Variants in MYO7A observed in about 807,000 individuals in gnomAD.
The protein encoded by MYO7A is myosin VIIA.
In MYO7A, 210 loss-of-function variants were observed where a neutral mutation model predicts 263.8. The ratio of observed to expected loss-of-function variants is 0.80; its 90% CI spans 0.71 to 0.89. The LOEUF is 0.89. MYO7A is among the 40% of genes least tolerant of loss of function. MYO7A has a pLI of 0.00. For synonymous variants in MYO7A, 1,239 were observed against 1,197.3 expected (o/e 1.03, Z -0.72); for missense variants, 2,820 against 2,968.3 (o/e 0.95, Z 1.16).
At chr11:77,206,362 A>C (rs1476850311) in intron 41 of MYO7A, among the ~76,000 whole-genome samples, 160 bp downstream of exon 41, 3 of 151,728 alleles carry the variant, frequency 2.0e-5, no homozygotes, top group African/African-American at 7.3e-5. Flanking sequence ...AAGGCCATCG[A>C]CTCCCCAGGT....
At position 77,211,829 on chromosome 11, in the gene MYO7A, C is replaced by T. The variant is rs372215527; in HGVS notation, c.6246C>T (p.Val2082=). The change falls in exon 46 of 49, where the codon GTC becomes GTT. Residue 2082 remains valine (V), a synonymous_variant. Coordinates refer to ENST00000409709, the MANE Select transcript of MYO7A (RefSeq NM_000260.4). ...CCGCCCTGTCCCCATAGTCCATCGT[C>T]GCCTACTTCAACAAGCACGCAGGGA... ...VSPDDWKRSI[V]AYFNKHAGKS... is the part of the protein sequence containing the mutation. 34 of 1,613,546 alleles carry T rather than the reference C, an allele frequency of 2.1e-5. No homozygotes were observed. Among genetic ancestry groups the T allele is most frequent in the Middle Eastern group, 1.6e-4 (1 of 6,084 alleles).
At chr11:77,156,304 T>C (rs1555062115) in intron 5 of MYO7A, among the ~76,000 whole-genome samples, 1 of 152,244 alleles carries the variant, frequency 6.6e-6, no homozygotes. Context: ...AAGCTCACAT[T>C]AGCTTTTGAG....
rs1481506095 is a variant in MYO7A at position 77,208,438 on chromosome 11, C to T, written c.5865C>T (p.Ser1955=). The T allele has an allele frequency of 1.9e-6, 3 of 1,612,106 alleles. No individual in the cohort carries two copies. The highest frequency in any genetic ancestry group is 1.1e-5 in the South Asian group (1 of 90,884). ...GATGGCCCTGACCCCAGGTCCTCAG[C>T]GTTCCTGAGAATGACTTCTTCTTTG... The part of the protein sequence containing the change: ...LFVKIADKVL[S]VPENDFFFDF... The change falls in exon 43 of 49, where the codon AGC becomes AGT. Residue 1955 remains serine (S), a synonymous_variant. Transcript: ENST00000409709.
intron 14 of MYO7A, among the ~76,000 whole-genome samples, chr11:77,165,308 C>T (rs782488985): frequency 7.2e-5 from 11 of 152,280 alleles, no homozygotes; most frequent in Non-Finnish European, 1.5e-4. Context: ...TTGGACACCC[C>T]GTCTCTTGCC....
rs782608378 is a variant in MYO7A at position 77,172,752 on chromosome 11, C to T, written c.1802C>T (p.Ala601Val). Reference protein sequence around the residue: ...QIFQADVAMGAETRKRSPTLS... With the variant: ...QIFQADVAMGVETRKRSPTLS... ...CGCTGCCGTCCGTCCCCCCAGGGCGCCGAGACCAGGAAGCGCTCGCCCACA... is the reference window on the plus strand; with the variant it reads ...CGCTGCCGTCCGTCCCCCCAGGGCGTCGAGACCAGGAAGCGCTCGCCCACA... The change falls in exon 16 of 49, where the codon GCC becomes GTC. Residue 601 changes from alanine (A) to valine (V), a missense_variant. Coordinates refer to ENST00000409709, the MANE Select transcript of MYO7A (RefSeq NM_000260.4). 1 of 1,556,598 alleles carries T rather than the reference C, an allele frequency of 6.4e-7. No homozygotes were observed. The highest frequency in any genetic ancestry group is 8.7e-7 in the Non-Finnish European group (1 of 1,151,062).
chr11:77,165,214 C>A (rs1953418484), intron 14 of MYO7A, among the ~76,000 whole-genome samples: 1 of 152,242 alleles, frequency 6.6e-6, no homozygotes, highest in South Asian at 2.1e-4. Context: ...CAGCCTAGCA[C>A]TGGATCTCTG....
At chr11:77,171,363 T>C (rs544100445) in intron 15 of MYO7A, among the ~76,000 whole-genome samples, 2 of 152,334 alleles carry the variant, frequency 1.3e-5, no homozygotes, top group South Asian at 2.1e-4. Flanking sequence ...CCGGTGCTGC[T>C]GCTGGATCAA....
At chr11:77,141,991 G>T (rs1555050854) in intron 2 of MYO7A, among the ~76,000 whole-genome samples, 1 of 152,232 alleles carries the variant, frequency 6.6e-6, no homozygotes, top group African/African-American at 2.4e-5. Flanking sequence ...TTTGCACTCA[G>T]TAGGTAATCA....
intron 15 of MYO7A, among the ~76,000 whole-genome samples, chr11:77,168,006 C>G (rs782243952): frequency 3.9e-5 from 6 of 152,210 alleles, no homozygotes; most frequent in Non-Finnish European, 8.8e-5. Flanking sequence ...AAGCCCTGTG[C>G]TGTAAGGTGG....
intron 20 of MYO7A, 28 bp downstream of exon 20, chr11:77,179,157 C>T (rs782095439): frequency 2.0e-5 from 31 of 1,563,992 alleles, no homozygotes; most frequent in Admixed American, 3.7e-5. Flanking sequence ...CTGCTCTTGC[C>T]CAAACAGGCC....
At position 77,181,491 on chromosome 11, in the gene MYO7A, C is replaced by A; in HGVS notation, c.2806C>A (p.Pro936Thr). 1 of 1,613,366 alleles carries A rather than the reference C, an allele frequency of 6.2e-7. No homozygotes were observed. The highest frequency in any genetic ancestry group is 8.5e-7 in the Non-Finnish European group (1 of 1,179,824). The change falls in exon 23 of 49, where the codon CCT (proline) becomes ACT (threonine). Residue 936 changes from proline (P) to threonine (T), a missense_variant. Physicochemically the swap from Pro to Thr is conservative, Grantham distance 38. Transcript: ENST00000409709. ...GCAGATGGAAAGGGCCCGCCATGAG[C>A]CTGTCAATCACTCAGACATGGTGGA... ...LEQMERARHE[P>T]VNHSDMVDKM... is the part of the protein sequence containing the mutation.
chr11:77,154,849 T>C (rs1952295870), intron 4 of MYO7A, among the ~76,000 whole-genome samples: 1 of 152,088 alleles, frequency 6.6e-6, no homozygotes, highest in African/African-American at 2.4e-5. Flanking sequence ...TGGCCCCACC[T>C]GGCCCCAGGG....
At chr11:77,205,692 C>T (rs1470512658) in intron 40 of MYO7A, 75 bp downstream of exon 40, 1 of 1,584,796 alleles carries the variant, frequency 6.3e-7, no homozygotes, top group Non-Finnish European at 8.6e-7. Context: ...GGATGAGCCC[C>T]TTGGGGATGA....
At position 77,202,952 on chromosome 11, in the gene MYO7A, C is replaced by T. The variant is rs1036633630; in HGVS notation, c.5169-108C>T. On this transcript the variant is annotated intron_variant, in intron 37 of 48. Coordinates refer to ENST00000409709, the MANE Select transcript of MYO7A (RefSeq NM_000260.4). ...AAGAGCAGGGCCTGGTGCCCACTCT[C>T]AGCCTCTGGACACAGGGATGGGTGG... The T allele has an allele frequency of 5.0e-5, 69 of 1,388,186 alleles. No homozygotes were observed. The African/African-American group carries it at 9.1e-4, about 18-fold the overall frequency. The allele number at this position is 1,388,186 out of a possible 1,614,324, so 86.0% of individuals were successfully genotyped here. A position where few individuals can be genotyped will look rare whatever the true frequency, so the allele number is the denominator to read the frequency against.
At chr11:77,180,262 T>TGCCAAATTATTTGG in intron 21 of MYO7A, 112 bp from the exon 22 acceptor site, 1 of 900,836 alleles carries the variant, frequency 1.1e-6, no homozygotes, top group Non-Finnish European at 1.8e-6. Flanking sequence ...ACTTGTCCTA[T>TGCCAAATTATTTGG]CAAAGTCATG....
chr11:77,160,495 G>A (rs986027497), intron 11 of MYO7A, among the ~76,000 whole-genome samples: 1 of 152,160 alleles, frequency 6.6e-6, no homozygotes, highest in African/African-American at 2.4e-5. Flanking sequence ...TTGGCTTTTG[G>A]CCTGCTTTGG....
At chr11:77,207,577 T>G (rs1194392345) in intron 42 of MYO7A, among the ~76,000 whole-genome samples, 175 bp downstream of exon 42, 1 of 152,102 alleles carries the variant, frequency 6.6e-6, no homozygotes, top group Non-Finnish European at 1.5e-5. Context: ...CCCCCAGCTC[T>G]CTCTCTTCTG....
intron 8 of MYO7A, 37 bp from the exon 9 acceptor site, chr11:77,158,240 G>A (rs782180045): frequency 6.6e-5 from 102 of 1,543,040 alleles, no homozygotes; most frequent in Middle Eastern, 1.8e-4. Context: ...GTACACTGAC[G>A]TCCTCTTGCA....
intron 44 of MYO7A, 101 bp downstream of exon 44, chr11:77,208,904 G>C (rs374357307): frequency 7.8e-5 from 73 of 941,718 alleles, no homozygotes; most frequent in Non-Finnish European, 1.1e-4. Flanking sequence ...TGTGGGGCCC[G>C]TACCAGCCTG....
Sources: allele counts gnomAD v4.1 joint callset (sites outside exome capture counted in the v4.1 genomes callset), GRCh38; gene constraint gnomAD v4.1.1; transcripts MANE v1.5; gene names NCBI Gene and HGNC (gene_info 2026-07-23, HGNC 2026-07-21).